RPH3AL: variants seen among roughly 807,000 people sequenced by gnomAD.
The protein encoded by RPH3AL is rabphilin 3A like (without C2 domains).
A neutral mutation model predicts 43.1 loss-of-function variants in RPH3AL; 38 were observed. The ratio of observed to expected loss-of-function variants is 0.88; its 90% CI spans 0.68 to 1.15. RPH3AL has a LOEUF of 1.15. Among genes scored for constraint, RPH3AL ranks in the 50% most tolerant of loss-of-function variants. The pLI, the probability that RPH3AL is intolerant of heterozygous loss-of-function variation, is 0.00. For missense variants in RPH3AL, 462 were observed against 423.2 expected (o/e 1.09, Z -0.81); for synonymous variants, 189 against 176.3 (o/e 1.07, Z -0.57).
intron 1 of RPH3AL, among the ~76,000 whole-genome samples, chr17:335,580 C>T (rs1461825903): frequency 6.6e-6 from 1 of 152,116 alleles, no homozygotes; most frequent in Non-Finnish European, 1.5e-5. Context: ...TGCAGTGTTA[C>T]CCCAGCAATA....
intron 8 of RPH3AL, among the ~76,000 whole-genome samples, chr17:218,414 A>G (rs1223791246): frequency 6.3e-4 from 46 of 73,260 alleles, no homozygotes; most frequent in Admixed American, 1.2e-3. Flanking sequence ...TTTCGTTCCC[A>G]TCTGGGGCAG....
chr17:253,812 G>C (rs376676544), intron 6 of RPH3AL, among the ~76,000 whole-genome samples: 1 of 79,232 alleles, frequency 1.3e-5, no homozygotes, highest in African/African-American at 4.1e-5. Context: ...CTAGGAACGT[G>C]ACTACCCTAC....
chr17:317,448 GCCCCCAC>G (rs1380740630), intron 5 of RPH3AL, among the ~76,000 whole-genome samples: 4 of 120,790 alleles, frequency 3.3e-5, no homozygotes, highest in Admixed American at 8.5e-5. Flanking sequence ...TAGTCCATGT[GCCCCCAC>G]CTCCATTGAC....
intron 1 of RPH3AL, among the ~76,000 whole-genome samples, chr17:339,324 C>T (rs1294641526): frequency 6.6e-6 from 1 of 152,254 alleles, no homozygotes; most frequent in Non-Finnish European, 1.5e-5. Flanking sequence ...CACCCCAGAA[C>T]ATGGCTTGCT....
At chr17:343,849 T>G (rs2045179711) in intron 1 of RPH3AL, among the ~76,000 whole-genome samples, 1 of 152,018 alleles carries the variant, frequency 6.6e-6, no homozygotes, top group South Asian at 2.1e-4. Flanking sequence ...CTGATAGAGG[T>G]GGTGTAGGTA....
rs372616296 is a variant in RPH3AL at position 247,021 on chromosome 17, G to C, written c.613+90C>G. ...AATGAGCCTCGTGGATGGAGGGTGCGGGGGACTGGCCTTGTGCCTGCAAAC... is the reference window on the plus strand; with the variant it reads ...AATGAGCCTCGTGGATGGAGGGTGCCGGGGACTGGCCTTGTGCCTGCAAAC... On this transcript the variant is annotated intron_variant, in intron 7 of 9. Coordinates refer to ENST00000331302, the MANE Select transcript of RPH3AL (RefSeq NM_006987.4). 293 of 1,393,954 alleles carry C rather than the reference G, an allele frequency of 2.1e-4. 1 individual carries two copies. The African/African-American group carries it at 3.5e-3, about 17-fold the overall frequency. 86.3% of individuals were successfully genotyped at this position (1,393,954 alleles called of 1,614,324 possible).
chr17:341,620 A>AGGTGTCATCTACATTTT (rs2045121615), intron 1 of RPH3AL, among the ~76,000 whole-genome samples: 1 of 152,224 alleles, frequency 6.6e-6, no homozygotes, highest in South Asian at 2.1e-4. Context: ...ACCAAAAAAT[A>AGGTGTCATCTACATTTT]GGTGTCATCT....
intron 5 of RPH3AL, among the ~76,000 whole-genome samples, chr17:286,712 C>G (rs1405585870): frequency 6.6e-6 from 1 of 152,192 alleles, no homozygotes; most frequent in Non-Finnish European, 1.5e-5. Context: ...TCCCGGGGCC[C>G]AGGGGTGGCC....
At chr17:275,240 A>AC (rs1298123763) in intron 6 of RPH3AL, among the ~76,000 whole-genome samples, 1 of 84,882 alleles carries the variant, frequency 1.2e-5, no homozygotes, top group African/African-American at 3.1e-5. Context: ...CAGCAAAAAA[A>AC]ACAAAAAACA....
chr17:289,860 C>T lies in RPH3AL; in HGVS notation c.352-8006G>A, dbSNP rs2043007071. On this transcript the variant is annotated intron_variant, in intron 5 of 9. Transcript: ENST00000331302. This position sits in a 1 kb window ranked among gnomAD's most constrained non-coding sequence, Gnocchi z 5.2. ...ACATCTTCAAGGAAGACTTCCGCAA[C>T]ACTCCTTCCACAATGAGAGCCTCCA... 1.3e-5 allele frequency among the ~76,000 whole-genome samples: 2 copies of T among 152,234 alleles called. No individual in the cohort carries two copies. The highest frequency in any genetic ancestry group is 2.4e-5 in the African/African-American group (1 of 41,460).
intron 5 of RPH3AL, among the ~76,000 whole-genome samples, chr17:315,690 C>T (rs879204383): frequency 5.9e-5 from 9 of 152,348 alleles, no homozygotes; most frequent in Non-Finnish European, 7.3e-5. Flanking sequence ...TGTGACCCCA[C>T]CTCCATTGAC....
intron 7 of RPH3AL, among the ~76,000 whole-genome samples, chr17:235,940 A>G (rs1156675709): frequency 2.0e-3 from 217 of 105,972 alleles, no homozygotes; most frequent in Middle Eastern, 4.6e-3. Flanking sequence ...CCGCACTAAC[A>G]AGACAGATCC....
At chr17:317,294 GT>G in intron 5 of RPH3AL, among the ~76,000 whole-genome samples, 1 of 146,868 alleles carries the variant, frequency 6.8e-6, no homozygotes, top group African/African-American at 2.6e-5. Flanking sequence ...TAGTCTCTCT[GT>G]CCCACCTCCA....
At chr17:307,418 A>ATCCTCCCCACGGCAGG (rs979097635) in intron 5 of RPH3AL, among the ~76,000 whole-genome samples, 1 of 137,484 alleles carries the variant, frequency 7.3e-6, no homozygotes, top group South Asian at 2.4e-4. Flanking sequence ...CCCACGGCAG[A>ATCCTCCCCACGGCAGG]TCCTCCCCAC....
rs751141855 is a variant in RPH3AL at position 344,147 on chromosome 17, CCAT to C, written c.-213+8562_-213+8564del. On this transcript the variant is annotated intron_variant, in intron 1 of 9. Transcript: ENST00000331302. ...TCACCATCAGACATTGTCATCATCACCATCATCATTTTTACCATCATGATCACC... is the reference window on the plus strand; with the variant it reads ...TCACCATCAGACATTGTCATCATCACCATCATTTTTACCATCATGATCACC... 2.8e-4 allele frequency among the ~76,000 whole-genome samples: 37 copies of C among 132,728 alleles called. 8 individuals carry two copies. Among genetic ancestry groups the C allele is most frequent in the Admixed American group, 3.6e-4 (5 of 13,842 alleles). The allele number at this position is 132,728 out of a possible 152,430, so 87.1% of individuals were successfully genotyped here.
intron 1 of RPH3AL, 200 bp from the exon 2 acceptor site, chr17:334,134 C>T (rs1034302460): frequency 6.5e-6 from 1 of 153,268 alleles, no homozygotes; most frequent in African/African-American, 2.4e-5. Flanking sequence ...CGACTGTTCC[C>T]CGCCCCGACT....
rs1423823218 is a variant in RPH3AL at position 333,615 on chromosome 17, G to A, written c.-37+144C>T. Reference sequence around the variant, plus strand: ...TACGTTTTACCATCTTCCTGTTTGGGAGCACATGGATTGTTTCCAATTTTG... The same window carrying A: ...TACGTTTTACCATCTTCCTGTTTGGAAGCACATGGATTGTTTCCAATTTTG... On this transcript the variant is annotated intron_variant, in intron 2 of 9. Coordinates refer to ENST00000331302, the MANE Select transcript of RPH3AL (RefSeq NM_006987.4). The surrounding 1 kb of genome is among the most constrained non-coding windows in gnomAD (Gnocchi z 4.5). The A allele has an allele frequency of 3.0e-5, 7 of 236,270 alleles. No individual in the cohort carries two copies. The highest frequency in any genetic ancestry group is 6.1e-5 in the Non-Finnish European group (7 of 115,368). 14.6% of individuals were successfully genotyped at this position (236,270 alleles called of 1,614,324 possible).
At chr17:214,388 C>T (rs530302350) in intron 9 of RPH3AL, among the ~76,000 whole-genome samples, 63 of 152,246 alleles carry the variant, frequency 4.1e-4, no homozygotes, top group African/African-American at 1.3e-3. Flanking sequence ...GACACCGTAC[C>T]GATAATAGAA....
intron 6 of RPH3AL, chr17:247,560 G>A (rs4352099): frequency 0.34 from 135,944 of 394,640 alleles, 24,164 homozygotes; most frequent in Non-Finnish European, 0.37. Context: ...GTCATCACCC[G>A]CTGCAGCCTC....
Sources: allele counts gnomAD v4.1 joint callset (sites outside exome capture counted in the v4.1 genomes callset), GRCh38; gene constraint gnomAD v4.1.1; non-coding constraint Gnocchi (gnomAD v3.1); transcripts MANE v1.5; gene names NCBI Gene and HGNC (gene_info 2026-07-23, HGNC 2026-07-21).